Variants in FYCO1 observed in about 807,000 individuals in gnomAD.
FYCO1 encodes the protein FYVE and coiled-coil domain-containing protein 1.
FYCO1 carries 122 observed loss-of-function variants against 165.1 expected under a neutral mutation model. The observed-to-expected ratio is 0.74, with a 90% CI of 0.64 to 0.86. The LOEUF is 0.86. Among genes scored for constraint, FYCO1 ranks in the 40% least tolerant of loss-of-function variants. The pLI is 0.00. For missense variants in FYCO1, 1,702 were observed against 1,810.3 expected (o/e 0.94, Z 1.09); for synonymous variants, 648 against 742.5 (o/e 0.87, Z 2.07).
intron 16 of FYCO1, among the ~76,000 whole-genome samples, chr3:45,928,760 G>GCTGGGCTA (rs1349650218): frequency 1.3e-5 from 2 of 151,992 alleles, no homozygotes; most frequent in African/African-American, 4.8e-5. Context: ...TCCTTCCCAG[G>GCTGGGCTA]GGTACCCACA....
At chr3:45,928,871 A>C (rs1703451846) in intron 16 of FYCO1, among the ~76,000 whole-genome samples, 1 of 152,152 alleles carries the variant, frequency 6.6e-6, no homozygotes, top group African/African-American at 2.4e-5. Flanking sequence ...GGGAGATCCC[A>C]TGTTATCCCT....
rs1259455237 is a variant in FYCO1, at chr3:45,973,233, T to C, written c.396-2A>G. On this transcript the variant is annotated splice_acceptor_variant, in intron 5 of 17. Transcript: ENST00000296137. LOFTEE classifies it high-confidence loss of function. ...GGGCTTCTTGCATAGTACCAGTCAC[T>C]GCAGAAAAACATGTCAATTATAAGA... 4.3e-6 allele frequency: 7 copies of C among 1,613,850 alleles called. No homozygotes were observed. Among genetic ancestry groups the C allele is most frequent in the Non-Finnish European group, 5.9e-6 (7 of 1,179,840 alleles).
intron 12 of FYCO1, among the ~76,000 whole-genome samples, 160 bp downstream of exon 12, chr3:45,959,233 C>T (rs1480092787): frequency 6.6e-6 from 1 of 152,236 alleles, no homozygotes; most frequent in Non-Finnish European, 1.5e-5. Flanking sequence ...AACTAATACA[C>T]CTTCCTTACC....
rs771933068 is a variant in FYCO1, at chr3:45,968,459, G to A, written c.875C>T (p.Thr292Ile). The change falls in exon 8 of 18, where the codon ACT becomes ATT. Residue 292 changes from threonine (T) to isoleucine (I), a missense_variant. Coordinates refer to ENST00000296137, the MANE Select transcript of FYCO1 (RefSeq NM_024513.4). Reference protein sequence around the residue: ...RTAAEDNVRLTCLVAELQKQW... With the variant: ...RTAAEDNVRLICLVAELQKQW... Reference sequence around the variant, plus strand: ...CTTCTGGAGCTCAGCTACCAAGCAAGTGAGGCGAACGTTGTCCTCCGCTGC... The same window carrying A: ...CTTCTGGAGCTCAGCTACCAAGCAAATGAGGCGAACGTTGTCCTCCGCTGC... 3 of 1,613,928 alleles carry A rather than the reference G, an allele frequency of 1.9e-6. No individual in the cohort carries two copies. In the African/African-American group the frequency reaches 4.0e-5, roughly 22 times the overall value.
chr3:45,942,241 G>A (rs566299845), intron 14 of FYCO1, among the ~76,000 whole-genome samples: 2 of 152,362 alleles, frequency 1.3e-5, no homozygotes, highest in Admixed American at 6.5e-5. Context: ...TGACTGCCAG[G>A]GATGTGTGTT....
intron 1 of FYCO1, among the ~76,000 whole-genome samples, chr3:45,987,079 A>C (rs1465630617): frequency 6.6e-6 from 1 of 152,238 alleles, no homozygotes; most frequent in Admixed American, 6.5e-5. Flanking sequence ...ATGGGCATAC[A>C]AAACAACATG....
At chr3:45,970,086 A>G (rs1482384255) in intron 6 of FYCO1, among the ~76,000 whole-genome samples, 1 of 152,216 alleles carries the variant, frequency 6.6e-6, no homozygotes, top group Admixed American at 6.5e-5. Context: ...AGTGAGGAAC[A>G]AGCAGCAGTC....
intron 17 of FYCO1, 109 bp from the exon 18 acceptor site, chr3:45,921,949 T>G: frequency 1.3e-6 from 1 of 752,172 alleles, no homozygotes; most frequent in Non-Finnish European, 2.4e-6. Context: ...TGGCTGGGTG[T>G]GGGTGCTGGA....
intron 7 of FYCO1, 61 bp downstream of exon 7, chr3:45,969,614 G>A: frequency 7.4e-7 from 1 of 1,346,612 alleles, no homozygotes; most frequent in South Asian, 1.2e-5. Flanking sequence ...GAGTTGCTAG[G>A]GGCAAGGACA....
intron 17 of FYCO1, among the ~76,000 whole-genome samples, chr3:45,923,309 G>A (rs1430497774): frequency 6.6e-6 from 1 of 152,192 alleles, no homozygotes; most frequent in Non-Finnish European, 1.5e-5. Flanking sequence ...GGCAGTGGCA[G>A]AGCAGTGGGA....
At position 45,968,041 on chromosome 3, in the gene FYCO1, C is replaced by G. The variant is rs1321068060; in HGVS notation, c.1293G>C (p.Leu431=). The G allele has an allele frequency of 6.8e-6, 11 of 1,614,118 alleles. No homozygotes were observed. The highest frequency in any genetic ancestry group is 9.3e-6 in the Non-Finnish European group (11 of 1,180,018). The change falls in exon 8 of 18, where the codon CTG becomes CTC. Residue 431 remains leucine (L), a synonymous_variant. Coordinates refer to ENST00000296137, the MANE Select transcript of FYCO1 (RefSeq NM_024513.4). ...NRQQSAQLEQ[L]VKELQLKEDA... is the part of the protein sequence containing the mutation. ...CCTCTTTCAGCTGAAGCTCCTTGACCAGCTGTTCCAGTTGGGCACTCTGCT... is the reference window on the plus strand; with the variant it reads ...CCTCTTTCAGCTGAAGCTCCTTGACGAGCTGTTCCAGTTGGGCACTCTGCT...
chr3:45,947,756 A>T (rs1704727942), intron 14 of FYCO1: 1 of 508,604 alleles, frequency 2.0e-6, no homozygotes, highest in Non-Finnish European at 3.6e-6. Flanking sequence ...CATCTCCAAG[A>T]ATGCTGAAAC....
At chr3:45,938,161 C>T (rs540826917) in intron 14 of FYCO1, 7 of 1,243,450 alleles carry the variant, frequency 5.6e-6, no homozygotes, top group East Asian at 1.1e-4. Flanking sequence ...CACCCTCCTC[C>T]CTGACCACAG....
In FYCO1 at chr3:45,921,578, G is replaced by A. The variant is rs1009554042; in HGVS notation, c.*187C>T. On this transcript the variant is annotated 3_prime_UTR_variant, in exon 18 of 18. Transcript: ENST00000296137. ...CATTGCCTGAGCCCTTCAACGCCTC[G>A]GGGGCTAAGAGTGGCCGGTGCAGAG... 9 of 617,662 alleles carry A rather than the reference G, an allele frequency of 1.5e-5. No individual in the cohort carries two copies. Among genetic ancestry groups the A allele is most frequent in the South Asian group, 1.1e-4 (6 of 56,396 alleles). The allele number at this position is 617,662 out of a possible 1,614,324, so 38.3% of individuals were successfully genotyped here.
chr3:45,934,645 T>G (rs975706800), intron 15 of FYCO1, among the ~76,000 whole-genome samples: 2 of 152,196 alleles, frequency 1.3e-5, no homozygotes, highest in African/African-American at 4.8e-5. Context: ...TATATGAAAG[T>G]CAATCAATGC....
intron 15 of FYCO1, among the ~76,000 whole-genome samples, chr3:45,933,505 C>T (rs893446785): frequency 6.6e-6 from 1 of 152,178 alleles, no homozygotes; most frequent in African/African-American, 2.4e-5. Context: ...TCATAACTTT[C>T]CTCATTCCTT....
intron 1 of FYCO1, 78 bp from the exon 2 acceptor site, chr3:45,985,100 G>A (rs1028424201): frequency 1.5e-6 from 1 of 686,844 alleles, no homozygotes; most frequent in African/African-American, 1.8e-5. Context: ...ACTCTGCTCT[G>A]GGCACAAAGG....
intron 11 of FYCO1, among the ~76,000 whole-genome samples, chr3:45,961,213 A>G (rs750246011): frequency 6.6e-6 from 1 of 152,226 alleles, no homozygotes; most frequent in Non-Finnish European, 1.5e-5. Context: ...GAAACTGACT[A>G]GACACTTGAT....
At position 45,923,797 on chromosome 3, in the gene FYCO1, A is replaced by G. The variant is rs145413745; in HGVS notation, c.4252-32T>C. The G allele has an allele frequency of 6.9e-4, 994 of 1,450,282 alleles. 2 individuals are homozygous for G. In the African/African-American group the frequency reaches 0.013, roughly 19 times the overall value. 89.8% of individuals were successfully genotyped at this position (1,450,282 alleles called of 1,614,324 possible). On this transcript the variant is annotated intron_variant, in intron 16 of 17. Coordinates refer to ENST00000296137, the MANE Select transcript of FYCO1 (RefSeq NM_024513.4). ...GGGAAAGCAGGTAGGCAAAAACATCACAGAGGCTGAGAGGGCCCTCGGCAT... is the reference window on the plus strand; with the variant it reads ...GGGAAAGCAGGTAGGCAAAAACATCGCAGAGGCTGAGAGGGCCCTCGGCAT...
Sources: gnomAD v4.1 joint callset for allele counts (sites outside exome capture counted in the v4.1 genomes callset) on GRCh38, gnomAD v4.1.1 for gene constraint, MANE v1.5 for transcripts, NCBI Gene and HGNC (gene_info 2026-07-23, HGNC 2026-07-21) for gene names.